TAF4B: variants seen among roughly 807,000 people sequenced by gnomAD.
TAF4B encodes TATA-box binding protein associated factor 4b.
Under a neutral mutation model 86.4 loss-of-function variants are expected in TAF4B, and 38 were observed. The observed-to-expected ratio is 0.44, with a 90% CI of 0.34 to 0.58. The LOEUF (loss-of-function observed/expected upper bound fraction) is 0.58, where lower values mean the gene tolerates loss of function less well. Ranked by LOEUF, TAF4B falls within the 20% of genes least tolerant of loss-of-function variation. The pLI is 0.02. For missense variants in TAF4B, 988 were observed against 1,027.6 expected (o/e 0.96, Z 0.53); for synonymous variants, 388 against 391.2 (o/e 0.99, Z 0.10).
intron 14 of TAF4B, 95 bp from the exon 15 acceptor site, chr18:26,389,750 C>CCA: frequency 7.6e-7 from 1 of 1,317,842 alleles, no homozygotes. Context: ...AACCCAGTGA[C>CCA]CAGAGGGTAG....
At chr18:26,345,352 C>G (rs917190546) in intron 13 of TAF4B, among the ~76,000 whole-genome samples, 3 of 152,206 alleles carry the variant, frequency 2.0e-5, no homozygotes, top group African/African-American at 7.2e-5. Flanking sequence ...AAGTAACAGC[C>G]CTGTGGGCTG....
chr18:26,340,399 C>CA (rs1231756017), intron 13 of TAF4B, among the ~76,000 whole-genome samples: 1 of 152,048 alleles, frequency 6.6e-6, no homozygotes, highest in Non-Finnish European at 1.5e-5. Context: ...TGGACAGGGA[C>CA]AAATGAAACT....
At chr18:26,243,379 C>T (rs1315416857) in intron 1 of TAF4B, among the ~76,000 whole-genome samples, 1 of 152,114 alleles carries the variant, frequency 6.6e-6, no homozygotes, top group Non-Finnish European at 1.5e-5. Context: ...ATCGAATCGG[C>T]TACTGAAGCT....
chr18:26,257,995 C>A (rs905375535), intron 1 of TAF4B, among the ~76,000 whole-genome samples: 5 of 151,972 alleles, frequency 3.3e-5, no homozygotes, highest in Non-Finnish European at 7.4e-5. Context: ...GTGGCTCATG[C>A]CTGTAATCCC....
chr18:26,309,596 A>T (rs558227267), intron 9 of TAF4B, among the ~76,000 whole-genome samples: 1 of 152,104 alleles, frequency 6.6e-6, no homozygotes, highest in East Asian at 1.9e-4. Context: ...ATCTATTTTT[A>T]AATTTTGATA....
chr18:26,280,195 C>T (rs557602279), intron 5 of TAF4B, among the ~76,000 whole-genome samples: 3 of 152,120 alleles, frequency 2.0e-5, no homozygotes, highest in Non-Finnish European at 2.9e-5. Flanking sequence ...AATGTAAGAC[C>T]TCAAACTGTA....
At chr18:26,326,975 AG>A in intron 11 of TAF4B, 39 bp from the exon 12 acceptor site, 1 of 1,597,438 alleles carries the variant, frequency 6.3e-7, no homozygotes, top group South Asian at 1.1e-5. Flanking sequence ...TGTGTGGCCC[AG>A]GATCATTATA....
rs771884815 is a variant in TAF4B at position 26,315,291 on chromosome 18, C to T, written c.1895C>T (p.Ala632Val). 6.2e-7 allele frequency: 1 copy of T among 1,613,030 alleles called. No individual in the cohort carries two copies. The highest frequency in any genetic ancestry group is 8.5e-7 in the Non-Finnish European group (1 of 1,179,878). Residue 632 changes from alanine to valine, a missense_variant, in exon 10 of 15, where the codon GCC becomes GTC. Physicochemically the swap from Ala to Val is moderately conservative, Grantham distance 64 (BLOSUM62 0). This residue lies in a region of TAF4B where 25 missense variants were observed against 51.3 expected (regional missense o/e 0.49). Transcript: ENST00000269142. ...GGGGTCAACCTTAATGAAGAAAATG[C>T]CTGCATCTTAGCAACAAACTCTGAA... is the stretch of plus-strand genomic sequence containing the variant. ...MAGVNLNEEN[A>V]CILATNSELV...
chr18:26,391,082 C>T lies in TAF4B; in HGVS notation c.*1070C>T, dbSNP rs1201941131. The T allele has an allele frequency of 1.3e-5, 2 of 151,876 alleles. No individual in the cohort carries two copies. Among genetic ancestry groups the T allele is most frequent in the Non-Finnish European group, 2.9e-5 (2 of 67,992 alleles). 9.4% of individuals were successfully genotyped at this position (151,876 alleles called of 1,614,324 possible). ...TGATGAGAAATTTTTAACAATAGGA[C>T]TTTATGTTGGATTCTGTACTTAAAA... On this transcript the variant is annotated 3_prime_UTR_variant, in exon 15 of 15. Transcript: ENST00000269142.
At chr18:26,349,762 A>G (rs554931730) in intron 13 of TAF4B, among the ~76,000 whole-genome samples, 2 of 152,358 alleles carry the variant, frequency 1.3e-5, no homozygotes, top group African/African-American at 4.8e-5. Flanking sequence ...TCCTGAGCAA[A>G]AAGAACAAAG....
Position 26,286,169 on chromosome 18 carries a change from A to G in TAF4B, c.1260A>G (p.Ala420=). Residue 420 remains alanine, a synonymous_variant, in exon 7 of 15, where the codon GCA becomes GCG. Transcript: ENST00000269142. ...VTLHSVGPTA[A]TGGTTAGTGL... is the part of the protein sequence containing the mutation. ...TTCATTCTGTGGGCCCAACTGCTGC[A>G]ACAGGAGGAACAACAGCTGGAACTG... The G allele has an allele frequency of 6.2e-7, 1 of 1,614,246 alleles. No individual in the cohort carries two copies. The highest frequency in any genetic ancestry group is 8.5e-7 in the Non-Finnish European group (1 of 1,180,046).
At chr18:26,236,700 T>C (rs1175950837) in intron 1 of TAF4B, among the ~76,000 whole-genome samples, 1 of 152,166 alleles carries the variant, frequency 6.6e-6, no homozygotes, top group Non-Finnish European at 1.5e-5. Flanking sequence ...AAGGTTTGTT[T>C]GTCTGAGGGC....
chr18:26,322,840 T>G (rs1450198635), intron 11 of TAF4B, among the ~76,000 whole-genome samples: 1 of 152,126 alleles, frequency 6.6e-6, no homozygotes, highest in African/African-American at 2.4e-5. Flanking sequence ...GTTTTTTATT[T>G]GAGATCTTCC....
chr18:26,233,880 G>A (rs746587146), intron 1 of TAF4B, among the ~76,000 whole-genome samples: 3 of 152,166 alleles, frequency 2.0e-5, no homozygotes, highest in Non-Finnish European at 4.4e-5. Context: ...GGGGCCTTAC[G>A]ATGGACCAAG....
At chr18:26,238,732 G>A (rs537186615) in intron 1 of TAF4B, among the ~76,000 whole-genome samples, 3 of 151,856 alleles carry the variant, frequency 2.0e-5, no homozygotes, top group South Asian at 2.1e-4. Flanking sequence ...AATGCTGTCC[G>A]TCCCCCTTCC....
chr18:26,337,813 T>A (rs1050701580), intron 13 of TAF4B, among the ~76,000 whole-genome samples: 1 of 152,230 alleles, frequency 6.6e-6, no homozygotes, highest in African/African-American at 2.4e-5. Context: ...CATGCTGGTA[T>A]AAACTGTGAT....
At chr18:26,338,002 T>A (rs1453053896) in intron 13 of TAF4B, among the ~76,000 whole-genome samples, 1 of 152,210 alleles carries the variant, frequency 6.6e-6, no homozygotes, top group Non-Finnish European at 1.5e-5. Context: ...ATCTTATAAA[T>A]GCAGAACTTC....
At chr18:26,271,675 G>T (rs962924401) in intron 3 of TAF4B, among the ~76,000 whole-genome samples, 5 of 152,118 alleles carry the variant, frequency 3.3e-5, no homozygotes, top group Non-Finnish European at 5.9e-5. Flanking sequence ...TGTAATCCCA[G>T]CACTTTGGGA....
intron 10 of TAF4B, among the ~76,000 whole-genome samples, chr18:26,319,858 G>A (rs2056947151): frequency 6.6e-6 from 1 of 152,092 alleles, no homozygotes; most frequent in Admixed American, 6.5e-5. Flanking sequence ...CCAAAGTGCT[G>A]GAATTACAGG....
Sources: allele counts gnomAD v4.1 joint callset (sites outside exome capture counted in the v4.1 genomes callset), GRCh38; gene constraint gnomAD v4.1.1; regional missense constraint gnomAD v4.1.1; transcripts MANE v1.5; gene names NCBI Gene and HGNC (gene_info 2026-07-23, HGNC 2026-07-21).